Variants in SULT1A1 observed in about 807,000 individuals in gnomAD.
SULT1A1 encodes the protein sulfotransferase 1A1.
Under a neutral mutation model 36.8 loss-of-function variants are expected in SULT1A1, and 35 were observed. That is an observed-to-expected ratio of 0.95 (90% confidence interval 0.73 to 1.26). The LOEUF (loss-of-function observed/expected upper bound fraction) is 1.26. SULT1A1 is among the 50% of genes most tolerant of loss of function. The probability of loss-of-function intolerance (pLI) is 0.00; values close to 1 mark genes in which losing one functional copy is unlikely to be tolerated. For missense variants in SULT1A1, 309 were observed against 383.0 expected (o/e 0.81, Z 1.61); for synonymous variants, 119 against 146.0 (o/e 0.82, Z 1.33).
chr16:28,623,347 CCCCGGCGGAGACGAGCGAGCT>C, exon 1 of SULT1A1: 1 of 1,499,438 alleles, frequency 6.7e-7, no homozygotes, highest in East Asian at 2.5e-5. Flanking sequence ...TGCAGCACGT[CCCCGGCGGAGACGAGCGAGCT>C]ACGGCACGCT....
At chr16:28,619,767 C>T (rs1382432840) in intron 2 of SULT1A1, among the ~76,000 whole-genome samples, 4 of 101,866 alleles carry the variant, frequency 3.9e-5, no homozygotes, top group East Asian at 3.7e-4. Flanking sequence ...TATATATAGA[C>T]ACACACACAC....
chr16:28,623,249 G>A (rs761190544), exon 1 of SULT1A1: 4 of 1,545,032 alleles, frequency 2.6e-6, no homozygotes, highest in South Asian at 1.2e-5. Context: ...CCAGCCACAC[G>A]TAGTTGAAGT....
At chr16:28,609,570 G>A (rs1407169756) in intron 1 of SULT1A1, 2 of 441,434 alleles carry the variant, frequency 4.5e-6, no homozygotes, top group African/African-American at 4.0e-5. Context: ...AGCATTGCAA[G>A]ACCCCATCTC....
upstream of SULT1A1, chr16:28,610,259 TTTCTG>T: frequency 1.8e-6 from 2 of 1,131,550 alleles, no homozygotes; most frequent in Non-Finnish European, 2.3e-6. Context: ...AGGTTTTTTT[TTTCTG>T]TTTTTTTTTT....
At chr16:28,607,177 G>A (rs2047236549) in intron 4 of SULT1A1, 100 bp from the exon 5 acceptor site, 1 of 1,564,218 alleles carries the variant, frequency 6.4e-7, no homozygotes. Flanking sequence ...GAGGCTTAGA[G>A]GCTGACTTGT....
chr16:28,618,339 C>CTTTTTTTTTT (rs546277570), intron 2 of SULT1A1, among the ~76,000 whole-genome samples: 4 of 72,418 alleles, frequency 5.5e-5, no homozygotes, highest in South Asian at 6.9e-4. Context: ...ACTTCCCGCT[C>CTTTTTTTTTT]TTTTTTTTTT....
chr16:28,606,647 A>G, intron 6 of SULT1A1, 114 bp downstream of exon 6: 1 of 1,486,004 alleles, frequency 6.7e-7, no homozygotes, highest in Non-Finnish European at 9.1e-7. Flanking sequence ...AGGATGGGGA[A>G]TCTGGTCCTG....
Position 28,608,588 on chromosome 16 carries a change from C to T in SULT1A1, c.164G>A (p.Ser55Asn), listed in dbSNP as rs1433403155. 1.2e-6 allele frequency: 2 copies of T among 1,612,270 alleles called. No homozygotes were observed. Among genetic ancestry groups the T allele is most frequent in the South Asian group, 2.2e-5 (2 of 91,008 alleles). ...TYPKSGTTWV[S>N]QILDMIYQGG... ...CTGGTAGATCATGTCCAGAATCTGG[C>T]TTACCCAGGTAGTGCCTGGAGAGGG... is the stretch of plus-strand genomic sequence containing the variant. The change falls in exon 3 of 8, where the codon AGC becomes AAC. Residue 55 changes from serine to asparagine, a missense_variant. This residue lies in a region of SULT1A1 where 219 missense variants were observed against 215.3 expected (regional missense o/e 1.02). Coordinates refer to ENST00000314752, the MANE Select transcript of SULT1A1 (RefSeq NM_001055.4).
chr16:28,608,645 C>G, intron 2 of SULT1A1, 42 bp from the exon 3 acceptor site: 3 of 1,610,920 alleles, frequency 1.9e-6, no homozygotes, highest in Non-Finnish European at 2.5e-6. Context: ...GCTGAGGGCA[C>G]GACCTCGCTG....
chr16:28,623,100 C>CCCCCCCCCGGGGG, intron 1 of SULT1A1: 1 of 1,452,308 alleles, frequency 6.9e-7, no homozygotes, highest in Non-Finnish European at 9.4e-7. Context: ...ATACTGGTCC[C>CCCCCCCCCGGGGG]ACCCCCCAGG....
chr16:28,614,716 A>G (rs559917104), upstream of SULT1A1: 596 of 131,532 alleles, frequency 4.5e-3, 69 homozygotes, highest in South Asian at 0.12. Flanking sequence ...CCACCGCGCC[A>G]GGCCTGGGCC....
At position 28,606,898 on chromosome 16, in the gene SULT1A1, G is replaced by A. The variant is rs200643489; in HGVS notation, c.500-43C>T. The stretch of plus-strand genomic sequence containing the variant: ...GGGTGCCAACACAGGGTTGCTGTGC[G>A]TTGTAGCCACCACCCCTTAGCTCCA... On this transcript the variant is annotated intron_variant, in intron 5 of 7. Coordinates refer to ENST00000314752, the MANE Select transcript of SULT1A1 (RefSeq NM_001055.4). 137 of 1,612,152 alleles carry A rather than the reference G, an allele frequency of 8.5e-5. 1 individual carries two copies. In the East Asian group the frequency reaches 9.1e-4, roughly 11 times the overall value.
intron 2 of SULT1A1, among the ~76,000 whole-genome samples, chr16:28,615,703 G>A (rs545167311): frequency 8.5e-5 from 13 of 152,296 alleles, no homozygotes; most frequent in African/African-American, 2.9e-4. Context: ...CCCGAACGTC[G>A]GGCTGCGCTG....
rs1281788022 is a variant in SULT1A1 at position 28,605,582 on chromosome 16, T to C, written c.*239A>G. The C allele has an allele frequency of 5.7e-6, 4 of 706,054 alleles. No homozygotes were observed. Among genetic ancestry groups the C allele is most frequent in the Non-Finnish European group, 9.1e-6 (4 of 438,098 alleles). 43.7% of individuals were successfully genotyped at this position (706,054 alleles called of 1,614,324 possible). A position where few individuals can be genotyped will look rare whatever the true frequency, so the allele number is the denominator to read the frequency against. ...CCACTCTGCCTGGCCCACAATCATA[T>C]TTTATTCTCTTTTTAAAAATTGGTT... On this transcript the variant is annotated 3_prime_UTR_variant, in exon 8 of 8. Coordinates refer to ENST00000314752, the MANE Select transcript of SULT1A1 (RefSeq NM_001055.4).
At position 28,609,246 on chromosome 16, in the gene SULT1A1, C is replaced by T. The variant is rs1338516528; in HGVS notation, c.-4-387G>A. On this transcript the variant is annotated intron_variant, in intron 1 of 7. Transcript: ENST00000314752. ...CCCTGCCAGCCAGCGCCCTTTGTCT[C>T]ACCACTTCCTGCTGGGACCCCCAGC... 9 of 1,267,928 alleles carry T rather than the reference C, an allele frequency of 7.1e-6. No homozygotes were observed. In the East Asian group the frequency reaches 3.4e-4, roughly 48 times the overall value. 78.5% of individuals were successfully genotyped at this position (1,267,928 alleles called of 1,614,324 possible).
intron 1 of SULT1A1, chr16:28,623,103 C>A: frequency 5.4e-6 from 8 of 1,470,908 alleles, no homozygotes; most frequent in Non-Finnish European, 7.4e-6. Context: ...CTGGTCCCAC[C>A]CCCCAGGTTC....
intron 1 of SULT1A1, among the ~76,000 whole-genome samples, chr16:28,620,571 A>G (rs1275082309): frequency 6.6e-6 from 1 of 151,780 alleles, no homozygotes; most frequent in Admixed American, 6.6e-5. Context: ...CTCAAAAAAA[A>G]AAAAAAAAAA....
intron 2 of SULT1A1, chr16:28,619,993 T>TTGTGCG: frequency 2.7e-6 from 3 of 1,119,776 alleles, no homozygotes; most frequent in Non-Finnish European, 3.9e-6. Flanking sequence ...GTATTGTATA[T>TTGTGCG]TGTGTGTGTG....
At chr16:28,619,336 C>T (rs1396710592) in intron 2 of SULT1A1, among the ~76,000 whole-genome samples, 1 of 152,176 alleles carries the variant, frequency 6.6e-6, no homozygotes, top group Non-Finnish European at 1.5e-5. Context: ...CTTTCCAATT[C>T]ATGAGAAGTA....
Sources: allele counts gnomAD v4.1 joint callset (sites outside exome capture counted in the v4.1 genomes callset), GRCh38; gene constraint gnomAD v4.1.1; regional missense constraint gnomAD v4.1.1; transcripts MANE v1.5; gene names NCBI Gene and HGNC (gene_info 2026-07-23, HGNC 2026-07-21).